Variants in CACNB2 observed in about 807,000 individuals in gnomAD.
CACNB2 encodes calcium voltage-gated channel auxiliary subunit beta 2.
In CACNB2, 42 loss-of-function variants were observed where a neutral mutation model predicts 73.3. The observed-to-expected ratio is 0.57, with a 90% CI of 0.45 to 0.74. The LOEUF is 0.74. Ranked by LOEUF, CACNB2 falls within the 30% of genes least tolerant of loss-of-function variation. CACNB2 has a pLI of 0.00. For missense variants in CACNB2, 940 were observed against 853.0 expected, an observed-to-expected ratio of 1.10 and a Z score of -1.27; for synonymous variants, 348 against 310.3, an observed-to-expected ratio of 1.12 and a Z score of -1.28.
At chr10:18,277,325 A>G (rs548522418) in intron 2 of CACNB2, among the ~76,000 whole-genome samples, 3 of 152,352 alleles carry the variant, frequency 2.0e-5, no homozygotes, top group African/African-American at 7.2e-5. Flanking sequence ...ATGGCAGAAC[A>G]CCAGAGTGAA....
At chr10:18,284,483 T>A in intron 2 of CACNB2, among the ~76,000 whole-genome samples, 1 of 152,214 alleles carries the variant, frequency 6.6e-6, no homozygotes, top group East Asian at 1.9e-4. Flanking sequence ...CCTTGATTGA[T>A]AGGATATACC....
intron 2 of CACNB2, among the ~76,000 whole-genome samples, chr10:18,286,282 C>T (rs1171496658): frequency 6.6e-6 from 1 of 151,924 alleles, no homozygotes; most frequent in African/African-American, 2.4e-5. Context: ...TTTGGGAGGC[C>T]AAGGCGGGCG....
intron 3 of CACNB2, among the ~76,000 whole-genome samples, chr10:18,479,859 C>G (rs546861208): frequency 4.6e-5 from 7 of 152,246 alleles, no homozygotes; most frequent in Admixed American, 3.9e-4. Flanking sequence ...TCAGGTAGTT[C>G]TTTATAGCAG....
chr10:18,530,028 C>G lies in CACNB2; in HGVS notation c.1054+2331C>G, dbSNP rs774783721. 1.8e-3 allele frequency among the ~76,000 whole-genome samples: 267 copies of G among 152,272 alleles called. 5 individuals are homozygous for G. Among genetic ancestry groups the G allele is most frequent in the Non-Finnish European group, 5.7e-4 (39 of 68,020 alleles). On this transcript the variant is annotated intron_variant, in intron 10 of 13. Transcript: ENST00000324631. ...AAGAGAGAGCATGTGCAGGGGAACT[C>G]CCCTTTATGAAACCATTAGATCTCA...
At chr10:18,304,283 C>A (rs926747147) in intron 2 of CACNB2, among the ~76,000 whole-genome samples, 2 of 152,062 alleles carry the variant, frequency 1.3e-5, no homozygotes, top group African/African-American at 4.8e-5. Context: ...CGTAGAATTG[C>A]AAGTCATGGT....
At chr10:18,141,101 T>A in intron 1 of CACNB2, 1 of 1,549,354 alleles carries the variant, frequency 6.5e-7, no homozygotes, top group Non-Finnish European at 8.7e-7. Context: ...GGGGGAGACC[T>A]GCCAGTCCTC....
intron 2 of CACNB2, among the ~76,000 whole-genome samples, chr10:18,196,293 CTTTT>C (rs374846564): frequency 7.3e-6 from 1 of 136,742 alleles, no homozygotes. Flanking sequence ...ACCAACAAAA[CTTTT>C]TTTTTTTTTT....
At chr10:18,495,545 C>CTGTGTGTGTGTG (rs59858946) in intron 3 of CACNB2, among the ~76,000 whole-genome samples, 8 of 124,620 alleles carry the variant, frequency 6.4e-5, no homozygotes, top group East Asian at 4.4e-4. Context: ...AGTATAAAAA[C>CTGTGTGTGTGTG]TGTGTGTGTG....
At chr10:18,345,091 T>C (rs2132095541) in intron 2 of CACNB2, among the ~76,000 whole-genome samples, 1 of 152,342 alleles carries the variant, frequency 6.6e-6, no homozygotes, top group East Asian at 1.9e-4. Flanking sequence ...TTTTAATTGA[T>C]TTTATAATTT....
intron 10 of CACNB2, among the ~76,000 whole-genome samples, chr10:18,531,525 G>C (rs10741100): frequency 0.62 from 93,837 of 152,020 alleles, 29,918 homozygotes; most frequent in East Asian, 0.97. Context: ...TGGGTATATA[G>C]CCAGTAGTGG....
intron 3 of CACNB2, among the ~76,000 whole-genome samples, chr10:18,426,850 A>G (rs1163749846): frequency 6.6e-6 from 1 of 151,382 alleles, no homozygotes; most frequent in African/African-American, 2.4e-5. Context: ...TTTTCTATAG[A>G]GGTACTTTAG....
intron 2 of CACNB2, among the ~76,000 whole-genome samples, chr10:18,365,476 A>C (rs1159078116): frequency 6.6e-6 from 1 of 152,182 alleles, no homozygotes; most frequent in Non-Finnish European, 1.5e-5. Flanking sequence ...AATGCCACCC[A>C]AGTTTGGGCT....
chr10:18,228,255 C>G (rs1214380935), intron 2 of CACNB2, among the ~76,000 whole-genome samples: 3 of 151,474 alleles, frequency 2.0e-5, no homozygotes, highest in African/African-American at 7.3e-5. Context: ...GAAACCTTGT[C>G]TCTACTAAAA....
At chr10:18,343,635 G>A (rs2041323805) in intron 2 of CACNB2, among the ~76,000 whole-genome samples, 1 of 152,158 alleles carries the variant, frequency 6.6e-6, no homozygotes, top group African/African-American at 2.4e-5. Context: ...GCAATAGCTA[G>A]GAATGAAAGA....
intron 10 of CACNB2, among the ~76,000 whole-genome samples, chr10:18,532,706 A>AAAAAAAAAAAC (rs1564663766): frequency 3.1e-5 from 2 of 64,768 alleles, no homozygotes; most frequent in African/African-American, 1.1e-4. Context: ...ACAAAACAAA[A>AAAAAAAAAAAC]AAACAAACAA....
intron 2 of CACNB2, among the ~76,000 whole-genome samples, chr10:18,166,351 G>C (rs1017149427): frequency 6.6e-6 from 1 of 152,226 alleles, no homozygotes; most frequent in African/African-American, 2.4e-5. Flanking sequence ...TGCCTCCCAG[G>C]TTCAAGCGAC....
intron 2 of CACNB2, among the ~76,000 whole-genome samples, chr10:18,362,423 A>C (rs1193421411): frequency 6.6e-6 from 1 of 152,142 alleles, no homozygotes; most frequent in East Asian, 1.9e-4. Flanking sequence ...CTAATTCTTT[A>C]CATTGTGTGA....
intron 2 of CACNB2, among the ~76,000 whole-genome samples, chr10:18,303,231 G>C (rs1181481003): frequency 6.6e-6 from 1 of 152,154 alleles, no homozygotes; most frequent in Non-Finnish European, 1.5e-5. Flanking sequence ...GGCCAGGCAT[G>C]GTGACTCATC....
chr10:18,290,543 C>A (rs544356098), intron 2 of CACNB2, among the ~76,000 whole-genome samples: 2 of 152,164 alleles, frequency 1.3e-5, no homozygotes, highest in Non-Finnish European at 1.5e-5. Flanking sequence ...ACATGCATTT[C>A]TTCTGTTGTA....
Sources: allele counts gnomAD v4.1 joint callset (sites outside exome capture counted in the v4.1 genomes callset), GRCh38; gene constraint gnomAD v4.1.1; transcripts MANE v1.5; gene names NCBI Gene and HGNC (gene_info 2026-07-23, HGNC 2026-07-21).